Variants in NTRK3 observed in about 807,000 individuals in gnomAD.
NTRK3 encodes the protein neurotrophic receptor tyrosine kinase 3, also known as NT-3 growth factor receptor.
A neutral mutation model predicts 91.7 loss-of-function variants in NTRK3; 24 were observed. The ratio of observed to expected loss-of-function variants is 0.26; its 90% CI spans 0.19 to 0.37. NTRK3 has a LOEUF of 0.37. Among genes scored for constraint, NTRK3 ranks in the 10% least tolerant of loss-of-function variants. The probability of loss-of-function intolerance (pLI) is 1.00; values close to 1 mark genes in which losing one functional copy is unlikely to be tolerated. For synonymous variants in NTRK3, 483 were observed against 404.0 expected, an observed-to-expected ratio of 1.20 and a Z score of -2.34; for missense variants, 880 against 1,068.9, an observed-to-expected ratio of 0.82 and a Z score of 2.46.
At chr15:88,217,180 T>C (rs1350426541) in intron 3 of NTRK3, among the ~76,000 whole-genome samples, 1 of 152,164 alleles carries the variant, frequency 6.6e-6, no homozygotes, top group African/African-American at 2.4e-5. Context: ...GTACAACCAC[T>C]AAGGAAAACA....
At chr15:88,066,971 A>G (rs2046703029) in intron 13 of NTRK3, among the ~76,000 whole-genome samples, 1 of 152,160 alleles carries the variant, frequency 6.6e-6, no homozygotes, top group East Asian at 1.9e-4. Flanking sequence ...ACATTCCTGC[A>G]TCAACTTAAA....
chr15:87,993,709 CA>C lies in NTRK3; in HGVS notation c.1585+39147del, dbSNP rs907196465. 7.9e-4 allele frequency among the ~76,000 whole-genome samples: 121 copies of C among 152,288 alleles called. 1 individual carries two copies. Among genetic ancestry groups the C allele is most frequent in the African/African-American group, 2.9e-3 (121 of 41,554 alleles). Reference sequence around the variant, plus strand: ...TGCCAGGCACTATAGCAGATACCAGCAAATGTATATCAAATCCCTGCTTGCA... The same window carrying C: ...TGCCAGGCACTATAGCAGATACCAGCAATGTATATCAAATCCCTGCTTGCA... On this transcript the variant is annotated intron_variant, in intron 14 of 18. Transcript: ENST00000394480.
chr15:88,206,569 A>G (rs1315505170), intron 3 of NTRK3, among the ~76,000 whole-genome samples: 3 of 149,006 alleles, frequency 2.0e-5, no homozygotes, highest in African/African-American at 7.4e-5. Context: ...GAGGCAGGAG[A>G]ATGGCGCGAA....
chr15:88,179,226 G>A (rs1179007250), intron 5 of NTRK3, among the ~76,000 whole-genome samples: 1 of 152,154 alleles, frequency 6.6e-6, no homozygotes, highest in Non-Finnish European at 1.5e-5. Context: ...GCAGTTTTAT[G>A]TGGTTTTCTA....
At chr15:88,112,365 C>T (rs1363114338) in intron 13 of NTRK3, among the ~76,000 whole-genome samples, 1 of 152,230 alleles carries the variant, frequency 6.6e-6, no homozygotes, top group African/African-American at 2.4e-5. Context: ...GGACTAGCAT[C>T]ACCCATGTTG....
At chr15:88,063,902 T>C (rs1333415056) in intron 13 of NTRK3, among the ~76,000 whole-genome samples, 10 of 152,378 alleles carry the variant, frequency 6.6e-5, no homozygotes, top group Admixed American at 6.5e-4. Flanking sequence ...CTGTAGTGAC[T>C]TGTACAGTGT....
intron 5 of NTRK3, among the ~76,000 whole-genome samples, chr15:88,178,238 T>G (rs1465950524): frequency 6.6e-6 from 1 of 152,228 alleles, no homozygotes; most frequent in Non-Finnish European, 1.5e-5. Flanking sequence ...CATGTCATCT[T>G]GAAACTCAGA....
rs555179664 is a variant in NTRK3 at position 88,057,049 on chromosome 15, G to A, written c.1397-24004C>T. On this transcript the variant is annotated intron_variant, in intron 13 of 18. Coordinates refer to ENST00000394480, the Ensembl canonical transcript of NTRK3. ...CCGGGCATGGTGGCGCGCGCCTGTAGTCCCAGCTACACGGGAGGCTGAGGC... is the reference window on the plus strand; with the variant it reads ...CCGGGCATGGTGGCGCGCGCCTGTAATCCCAGCTACACGGGAGGCTGAGGC... Among the ~76,000 whole-genome samples, 55 of 149,188 alleles carry A rather than the reference G, an allele frequency of 3.7e-4. 1 individual carries two copies. In the South Asian group the frequency reaches 0.012, roughly 32 times the overall value.
At chr15:88,002,178 T>TG (rs1215465326) in intron 14 of NTRK3, among the ~76,000 whole-genome samples, 2 of 146,254 alleles carry the variant, frequency 1.4e-5, no homozygotes, top group African/African-American at 5.0e-5. Context: ...GTTTTTTTTT[T>TG]TTTTTTTTTT....
chr15:87,961,832 T>C (rs952873522), intron 14 of NTRK3, among the ~76,000 whole-genome samples: 1 of 152,246 alleles, frequency 6.6e-6, no homozygotes, highest in Non-Finnish European at 1.5e-5. Flanking sequence ...CTCAACCCCA[T>C]TGCAAGGAAA....
chr15:88,152,091 A>T (rs1274822623), intron 5 of NTRK3, among the ~76,000 whole-genome samples: 1 of 152,168 alleles, frequency 6.6e-6, no homozygotes, highest in Non-Finnish European at 1.5e-5. Flanking sequence ...ACCTGATGTC[A>T]GCAGTTTGAG....
At chr15:87,971,964 G>C (rs2141278343) in intron 14 of NTRK3, among the ~76,000 whole-genome samples, 1 of 152,352 alleles carries the variant, frequency 6.6e-6, no homozygotes, top group East Asian at 1.9e-4. Context: ...GTCCCAAACA[G>C]ACTGAAGGTA....
intron 14 of NTRK3, among the ~76,000 whole-genome samples, chr15:87,992,831 A>C (rs1483632198): frequency 6.6e-6 from 1 of 152,230 alleles, no homozygotes; most frequent in Non-Finnish European, 1.5e-5. Context: ...CTATATGTAG[A>C]TGCCAAGGGC....
intron 5 of NTRK3, among the ~76,000 whole-genome samples, chr15:88,170,067 G>T (rs2151496040): frequency 6.6e-6 from 1 of 152,236 alleles, no homozygotes; most frequent in Middle Eastern, 3.4e-3. Flanking sequence ...CGAATTAAGA[G>T]AATTTGCATG....
intron 3 of NTRK3, among the ~76,000 whole-genome samples, chr15:88,193,593 G>C (rs1306100812): frequency 6.6e-6 from 1 of 152,194 alleles, no homozygotes; most frequent in African/African-American, 2.4e-5. Flanking sequence ...TGTGGTTCCA[G>C]TGTTATGCAA....
chr15:88,248,037 T>C (rs1055279949), intron 3 of NTRK3, among the ~76,000 whole-genome samples: 1 of 152,294 alleles, frequency 6.6e-6, no homozygotes. Flanking sequence ...CTCAGCCCTC[T>C]GCTCTCCCAT....
exon 19 of NTRK3, chr15:87,868,109 G>A (rs903119532): frequency 1.3e-5 from 3 of 231,674 alleles, no homozygotes; most frequent in African/African-American, 2.2e-5. Flanking sequence ...CAACGGAAGC[G>A]ACACAAATGG....
At chr15:88,101,851 C>T (rs2050207553) in intron 13 of NTRK3, among the ~76,000 whole-genome samples, 1 of 152,138 alleles carries the variant, frequency 6.6e-6, no homozygotes, top group South Asian at 2.1e-4. Context: ...GAACATCACA[C>T]ACCAGGGACT....
chr15:88,011,290 G>A (rs1005317327), intron 14 of NTRK3, among the ~76,000 whole-genome samples: 2 of 152,130 alleles, frequency 1.3e-5, no homozygotes, highest in Non-Finnish European at 2.9e-5. Flanking sequence ...CCAACAGAAA[G>A]CTCAGTCTCC....
Sources: allele counts gnomAD v4.1 joint callset (sites outside exome capture counted in the v4.1 genomes callset), GRCh38; gene constraint gnomAD v4.1.1; transcripts MANE v1.5; gene names NCBI Gene and HGNC (gene_info 2026-07-23, HGNC 2026-07-21).